SHKBP1: variants seen among roughly 807,000 people sequenced by gnomAD.
The protein encoded by SHKBP1 is SH3KBP1 binding protein 1, also known as SH3KBP1-binding protein 1.
In SHKBP1, 71 loss-of-function variants were observed where a neutral mutation model predicts 83.9. The ratio of observed to expected loss-of-function variants is 0.85; its 90% CI spans 0.70 to 1.03. The LOEUF (loss-of-function observed/expected upper bound fraction) is 1.03, where lower values mean the gene tolerates loss of function less well. Among genes scored for constraint, SHKBP1 ranks in the 50% least tolerant of loss-of-function variants. The pLI, the probability that SHKBP1 is intolerant of heterozygous loss-of-function variation, is 0.00. For synonymous variants in SHKBP1, 371 were observed against 398.0 expected (o/e 0.93, Z 0.81); for missense variants, 824 against 982.4 (o/e 0.84, Z 2.16).
At chr19:40,581,532 A>AG (rs57544864) in intron 9 of SHKBP1, among the ~76,000 whole-genome samples, 1 of 146,794 alleles carries the variant, frequency 6.8e-6, no homozygotes, top group African/African-American at 2.5e-5. Context: ...TCAAAAAAAA[A>AG]AAAAAAACAA....
chr19:40,590,700 GC>G lies in SHKBP1; in HGVS notation c.1769-25del. ...GCCCTTGCCCTATGACCCCTGTCTT[GC>G]CCCCTGACCCTGCTTCCGTGCCCCC... On this transcript the variant is annotated intron_variant, in intron 16 of 17. Coordinates refer to ENST00000291842, the MANE Select transcript of SHKBP1 (RefSeq NM_138392.4). This position sits in a 1 kb window ranked among gnomAD's most constrained non-coding sequence, Gnocchi z 4.6. 1 of 1,552,540 alleles carries G rather than the reference GC, an allele frequency of 6.4e-7. No individual in the cohort carries two copies. Among genetic ancestry groups the G allele is most frequent in the South Asian group, 1.2e-5 (1 of 83,916 alleles).
In SHKBP1 at chr19:40,588,770, A is replaced by G; in HGVS notation, c.1483A>G (p.Asn495Asp). ...ADGHGGCSAG[N>D]DIGPYGERDD... ...TGGGCATGGCGGCTGCAGTGCTGGC[A>G]ATGACATTGGTGCCTACTGGCTCCT... is the stretch of plus-strand genomic sequence containing the variant. The change falls in exon 14 of 18, where the codon AAT becomes GAT. Residue 495 changes from asparagine to aspartate, a missense_variant. By Grantham distance (23) the Asn-to-Asp change is conservative. This residue lies in a region of SHKBP1 where 287 missense variants were observed against 322.9 expected (regional missense o/e 0.89). Transcript: ENST00000291842. 1 of 1,613,234 alleles carries G rather than the reference A, an allele frequency of 6.2e-7. No homozygotes were observed. Among genetic ancestry groups the G allele is most frequent in the South Asian group, 1.1e-5 (1 of 91,080 alleles).
At chr19:40,589,631 G>T (rs2081341418) in intron 15 of SHKBP1, among the ~76,000 whole-genome samples, 1 of 151,870 alleles carries the variant, frequency 6.6e-6, no homozygotes, top group Non-Finnish European at 1.5e-5. Context: ...GCTGGGAAAG[G>T]GGCCTCGGAG....
chr19:40,588,989 G>A, intron 14 of SHKBP1, 93 bp from the exon 15 acceptor site: 3 of 1,386,980 alleles, frequency 2.2e-6, no homozygotes, highest in Non-Finnish European at 3.0e-6. Context: ...GATGGGACTG[G>A]GGTCTTGGGG....
chr19:40,578,614 C>A (rs1667588823), intron 6 of SHKBP1, 72 bp downstream of exon 6: 1 of 1,390,496 alleles, frequency 7.2e-7, no homozygotes, highest in Admixed American at 1.7e-5. Flanking sequence ...GGCTGCAGCT[C>A]TCGGGTGCCT....
At position 40,586,852 on chromosome 19, in the gene SHKBP1, CTG is replaced by C; in HGVS notation, c.1247_1248del (p.Val416GlyfsTer62). ...CGGGTCATCGTGCAGCACCCGGAGA[CTG>C]TGGGCTCGGGGCCTCAGCTCTTCCA... On this transcript the variant is annotated frameshift_variant, in exon 13 of 18. Coordinates refer to ENST00000291842, the MANE Select transcript of SHKBP1 (RefSeq NM_138392.4). LOFTEE classifies it high-confidence loss of function. 3 of 1,610,578 alleles carry C rather than the reference CTG, an allele frequency of 1.9e-6. No individual in the cohort carries two copies. The highest frequency in any genetic ancestry group is 1.7e-6 in the Non-Finnish European group (2 of 1,177,914).
chr19:40,579,020 T>C (rs2081245947), intron 6 of SHKBP1, among the ~76,000 whole-genome samples: 1 of 152,182 alleles, frequency 6.6e-6, no homozygotes, highest in Admixed American at 6.5e-5. Flanking sequence ...ACCTGCTACC[T>C]TCATGAAAGT....
chr19:40,585,505 CCTTTT>C (rs2081303927), intron 12 of SHKBP1: 2 of 151,324 alleles, frequency 1.3e-5, no homozygotes, highest in East Asian at 1.9e-4. Flanking sequence ...TTTGTAAGGC[CCTTTT>C]CTTATTTCTT....
chr19:40,580,965 TC>T, intron 9 of SHKBP1, 29 bp downstream of exon 9: 1 of 1,504,048 alleles, frequency 6.6e-7, no homozygotes, highest in Non-Finnish European at 8.9e-7. Context: ...TCCAGAACCC[TC>T]TGTCCTTTAA....
rs201616547 is a variant in SHKBP1 at position 40,589,177 on chromosome 19, C to T, written c.1588C>T (p.Arg530Trp). The change falls in exon 15 of 18, where the codon CGG becomes TGG. Residue 530 changes from arginine to tryptophan, a missense_variant and splice_region_variant. Arg to Trp is a moderately radical substitution (Grantham distance 101). This residue lies in a region of SHKBP1 where 287 missense variants were observed against 322.9 expected (regional missense o/e 0.89). Coordinates refer to ENST00000291842, the MANE Select transcript of SHKBP1 (RefSeq NM_138392.4). ...LFVRLSSTGQ[R>W]VCSVRSVDGS... ...CGTGCGTCTCTCATCTACTGGGCAGCGGTGAGGACAGTCCTGTCCAACAGG... is the reference window on the plus strand; with the variant it reads ...CGTGCGTCTCTCATCTACTGGGCAGTGGTGAGGACAGTCCTGTCCAACAGG... The T allele has an allele frequency of 1.3e-4, 214 of 1,608,438 alleles. 1 individual carries two copies. In the East Asian group the frequency reaches 3.3e-3, roughly 25 times the overall value.
chr19:40,577,948 T>TACACAC (rs58880858), intron 4 of SHKBP1: 7,234 of 566,288 alleles, frequency 0.013, 26 homozygotes, highest in Non-Finnish European at 0.015. Flanking sequence ...GATTTCTCCC[T>TACACAC]ACACACACAC....
chr19:40,583,286 C>G (rs1281403508), intron 10 of SHKBP1, 112 bp from the exon 11 acceptor site: 7 of 793,772 alleles, frequency 8.8e-6, no homozygotes, highest in Non-Finnish European at 1.4e-5. Context: ...GGCTGGGGAG[C>G]AGTGGGTGGG....
chr19:40,584,160 T>G (rs951833702), intron 12 of SHKBP1, among the ~76,000 whole-genome samples: 1 of 152,112 alleles, frequency 6.6e-6, no homozygotes, highest in African/African-American at 2.4e-5. Context: ...TCTCATCCAG[T>G]CATTCAACAA....
At position 40,580,615 on chromosome 19, in the gene SHKBP1, T is replaced by G; in HGVS notation, c.612T>G (p.Asn204Lys). ...TGCGCCTGGTGTGTGGACACCATAATTGGATCGCTGTGGCCTATACCCAGT... is the reference window on the plus strand; with the variant it reads ...TGCGCCTGGTGTGTGGACACCATAAGTGGATCGCTGTGGCCTATACCCAGT... ...GMVRLVCGHHNWIAVAYTQFL... is the reference protein window; with the variant it reads ...GMVRLVCGHHKWIAVAYTQFL... The change falls in exon 8 of 18, where the codon AAT (asparagine) becomes AAG (lysine). Residue 204 changes from asparagine to lysine, a missense_variant. Asn to Lys is a moderately conservative substitution (Grantham distance 94). Coordinates refer to ENST00000291842, the MANE Select transcript of SHKBP1 (RefSeq NM_138392.4). 2 of 1,614,190 alleles carry G rather than the reference T, an allele frequency of 1.2e-6. No individual in the cohort carries two copies. The highest frequency in any genetic ancestry group is 1.7e-6 in the Non-Finnish European group (2 of 1,180,040).
chr19:40,590,882 G>A lies in SHKBP1; in HGVS notation c.1892+29G>A, dbSNP rs1213488642. The A allele has an allele frequency of 6.4e-7, 1 of 1,570,818 alleles. No individual in the cohort carries two copies. Among genetic ancestry groups the A allele is most frequent in the Non-Finnish European group, 8.7e-7 (1 of 1,149,964 alleles). On this transcript the variant is annotated intron_variant, in intron 17 of 17. Coordinates refer to ENST00000291842, the MANE Select transcript of SHKBP1 (RefSeq NM_138392.4). This position sits in a 1 kb window ranked among gnomAD's most constrained non-coding sequence, Gnocchi z 4.6. ...GCCACAACTCCACTGCCCCTTCTGT[G>A]CAATGAGGGGAGAGGGGACAGCATG...
Position 40,580,621 on chromosome 19 carries a change from C to T in SHKBP1, c.618C>T (p.Ile206=), listed in dbSNP as rs1429944435. 19 of 1,613,994 alleles carry T rather than the reference C, an allele frequency of 1.2e-5. No homozygotes were observed. The highest frequency in any genetic ancestry group is 2.7e-5 in the African/African-American group (2 of 74,890). The change falls in exon 8 of 18, where the codon ATC becomes ATT. Residue 206 remains isoleucine, a synonymous_variant. Transcript: ENST00000291842. ...TGGTGTGTGGACACCATAATTGGAT[C>T]GCTGTGGCCTATACCCAGTTTCTAG... ...VRLVCGHHNW[I]AVAYTQFLVC...
Position 40,583,611 on chromosome 19 carries a change from G to A in SHKBP1, c.1059G>A (p.Lys353=), listed in dbSNP as rs1439759837. ...NGSIYYVDVQ[K]FPLRMKDNDL... ...CCCTGCCCACCCCAGATGTGCAGAA[G>A]TTCCCCTTGCGCATGAAAGACAACG... Residue 353 remains lysine (K), a synonymous_variant, in exon 12 of 18, where the codon AAG becomes AAA. Coordinates refer to ENST00000291842, the MANE Select transcript of SHKBP1 (RefSeq NM_138392.4). 1 of 1,604,400 alleles carries A rather than the reference G, an allele frequency of 6.2e-7. No homozygotes were observed. Among genetic ancestry groups the A allele is most frequent in the Non-Finnish European group, 8.5e-7 (1 of 1,172,150 alleles).
chr19:40,585,757 A>G (rs2081307210), intron 12 of SHKBP1: 1 of 151,950 alleles, frequency 6.6e-6, no homozygotes, highest in Non-Finnish European at 1.5e-5. Flanking sequence ...CACGTTGGCT[A>G]AGCAAGTTTT....
rs749951215 is a variant in SHKBP1 at position 40,590,280 on chromosome 19, G to A, written c.1626G>A (p.Thr542=). The change falls in exon 16 of 18, where the codon ACG becomes ACA. Residue 542 remains threonine, a synonymous_variant. Coordinates refer to ENST00000291842, the MANE Select transcript of SHKBP1 (RefSeq NM_138392.4). The surrounding 1 kb of genome is among the most constrained non-coding windows in gnomAD (Gnocchi z 4.6). ...CSVRSVDGSP[T]TAFTVLECEG... ...TGCGCTCCGTGGACGGCTCACCCAC[G>A]ACAGCCTTCACAGTGCTGGAGTGCG... 6.2e-6 allele frequency: 10 copies of A among 1,605,832 alleles called. No homozygotes were observed. Among genetic ancestry groups the A allele is most frequent in the Admixed American group, 3.4e-5 (2 of 59,286 alleles).
Sources: gnomAD v4.1 joint callset for allele counts (sites outside exome capture counted in the v4.1 genomes callset) on GRCh38, gnomAD v4.1.1 for gene constraint, gnomAD v4.1.1 regional missense constraint, Gnocchi (gnomAD v3.1) non-coding constraint, MANE v1.5 for transcripts, NCBI Gene and HGNC (gene_info 2026-07-23, HGNC 2026-07-21) for gene names.